Variants in SGCZ observed in about 807,000 individuals in gnomAD.
SGCZ encodes the protein zeta-sarcoglycan.
In SGCZ, 40 loss-of-function variants were observed where a neutral mutation model predicts 41.3. The observed-to-expected ratio is 0.97, with a 90% CI of 0.75 to 1.26. The LOEUF is 1.26. Among genes scored for constraint, SGCZ ranks in the 50% most tolerant of loss-of-function variants. The pLI, the probability that SGCZ is intolerant of heterozygous loss-of-function variation, is 0.00. For synonymous variants in SGCZ, 206 were observed against 137.5 expected (o/e 1.50, Z -3.49); for missense variants, 552 against 369.8 (o/e 1.49, Z -4.04).
At chr8:14,566,410 G>A (rs977793222) in intron 1 of SGCZ, among the ~76,000 whole-genome samples, 2 of 144,102 alleles carry the variant, frequency 1.4e-5, no homozygotes, top group African/African-American at 2.5e-5. Flanking sequence ...CTCCATCCCT[G>A]CTGGGTCGAT....
At chr8:14,093,110 TC>T (rs1438725105) in intron 7 of SGCZ, among the ~76,000 whole-genome samples, 1 of 152,076 alleles carries the variant, frequency 6.6e-6, no homozygotes, top group Non-Finnish European at 1.5e-5. Context: ...GTTTCTTGTT[TC>T]CACTGATATA....
At chr8:14,356,772 G>C (rs371852114) in intron 2 of SGCZ, among the ~76,000 whole-genome samples, 1 of 151,906 alleles carries the variant, frequency 6.6e-6, no homozygotes, top group East Asian at 1.9e-4. Flanking sequence ...AAGAAAATAC[G>C]ATTGCAAATA....
At chr8:15,214,817 C>A (rs941554867) in intron 1 of SGCZ, among the ~76,000 whole-genome samples, 6 of 152,114 alleles carry the variant, frequency 3.9e-5, no homozygotes, top group Non-Finnish European at 8.8e-5. Flanking sequence ...TATAATTTGG[C>A]AACTGGTCAT....
At chr8:14,272,630 C>T (rs572774789) in intron 3 of SGCZ, among the ~76,000 whole-genome samples, 8 of 152,162 alleles carry the variant, frequency 5.3e-5, no homozygotes, top group African/African-American at 1.9e-4. Flanking sequence ...TCCTTTCAAA[C>T]TTAAACGTGT....
chr8:15,150,946 A>G (rs1009610697), intron 1 of SGCZ, among the ~76,000 whole-genome samples: 2 of 152,072 alleles, frequency 1.3e-5, no homozygotes, highest in African/African-American at 4.8e-5. Flanking sequence ...TCTAGTGTGG[A>G]CTTGACCTAC....
intron 1 of SGCZ, among the ~76,000 whole-genome samples, chr8:15,016,345 G>T (rs1430633232): frequency 1.3e-5 from 2 of 152,198 alleles, no homozygotes; most frequent in Non-Finnish European, 2.9e-5. Context: ...CACAGCAGAT[G>T]CTAAGCCACA....
At chr8:14,188,258 G>C (rs1472525388) in intron 4 of SGCZ, among the ~76,000 whole-genome samples, 1 of 152,148 alleles carries the variant, frequency 6.6e-6, no homozygotes, top group Non-Finnish European at 1.5e-5. Context: ...CTAGTAAAGA[G>C]AGTTATACCA....
At chr8:14,767,012 C>G (rs1182589837) in intron 1 of SGCZ, among the ~76,000 whole-genome samples, 1 of 152,056 alleles carries the variant, frequency 6.6e-6, no homozygotes, top group Non-Finnish European at 1.5e-5. Flanking sequence ...TGCAAACATC[C>G]CATGCTTAAC....
At chr8:14,337,711 C>T (rs1802552656) in intron 2 of SGCZ, among the ~76,000 whole-genome samples, 1 of 152,034 alleles carries the variant, frequency 6.6e-6, no homozygotes, top group East Asian at 1.9e-4. Context: ...AGAGGACATG[C>T]CAATTATCAA....
At chr8:14,235,794 C>T (rs1806736575) in intron 4 of SGCZ, among the ~76,000 whole-genome samples, 1 of 152,140 alleles carries the variant, frequency 6.6e-6, no homozygotes, top group Non-Finnish European at 1.5e-5. Flanking sequence ...GAGTGATTCT[C>T]CAGCCTCAGC....
At position 14,929,453 on chromosome 8, in the gene SGCZ, C is replaced by T. The variant is rs908357120; in HGVS notation, c.39+308132G>A. Among the ~76,000 whole-genome samples the T allele has an allele frequency of 1.5e-4, 22 of 150,940 alleles. 1 individual carries two copies. Among genetic ancestry groups the T allele is most frequent in the African/African-American group, 5.2e-4 (21 of 40,268 alleles). ...CCCAGATATGTTGTTAGGAAAGTAT[C>T]TTACCGAATGCCTGGGAAATAAATG... On this transcript the variant is annotated intron_variant, in intron 1 of 7. Coordinates refer to ENST00000382080, the MANE Select transcript of SGCZ (RefSeq NM_139167.4).
chr8:14,916,136 A>C (rs1310401254), intron 1 of SGCZ, among the ~76,000 whole-genome samples: 1 of 152,188 alleles, frequency 6.6e-6, no homozygotes, highest in Non-Finnish European at 1.5e-5. Context: ...GTAGCAGATA[A>C]ATTTTTTAAA....
At chr8:14,592,789 A>G (rs966630569) in intron 1 of SGCZ, among the ~76,000 whole-genome samples, 2 of 152,212 alleles carry the variant, frequency 1.3e-5, no homozygotes, top group South Asian at 4.1e-4. Context: ...AGAGATTGCA[A>G]AACTACTGAA....
chr8:14,712,948 G>A (rs1809570249), intron 1 of SGCZ, among the ~76,000 whole-genome samples: 1 of 152,010 alleles, frequency 6.6e-6, no homozygotes, highest in Non-Finnish European at 1.5e-5. Context: ...GTAGGGCCAA[G>A]ACACAAAACA....
At chr8:14,371,807 T>G (rs1165137059) in intron 2 of SGCZ, among the ~76,000 whole-genome samples, 1 of 152,138 alleles carries the variant, frequency 6.6e-6, no homozygotes, top group South Asian at 2.1e-4. Flanking sequence ...CTTTACATTA[T>G]TTGTTGTACA....
chr8:14,577,188 TG>T (rs1349290034), intron 1 of SGCZ, among the ~76,000 whole-genome samples: 1 of 152,180 alleles, frequency 6.6e-6, no homozygotes, highest in Non-Finnish European at 1.5e-5. Context: ...TTGTGTTATG[TG>T]GACTTAGTAT....
At chr8:14,909,582 T>C (rs17120567) in intron 1 of SGCZ, among the ~76,000 whole-genome samples, 5,746 of 152,188 alleles carry the variant, frequency 0.038, 363 homozygotes, top group African/African-American at 0.13. Flanking sequence ...ATCAATATGA[T>C]TTGTTAGGCT....
intron 1 of SGCZ, among the ~76,000 whole-genome samples, chr8:15,172,154 G>GTTTTTTTTTTTTTT (rs1183210302): frequency 1.7e-4 from 12 of 71,764 alleles, no homozygotes; most frequent in African/African-American, 5.6e-4. Context: ...TTTATACTCT[G>GTTTTTTTTTTTTTT]TTTTTTTTTT....
At chr8:14,422,330 A>T (rs980355372) in intron 2 of SGCZ, among the ~76,000 whole-genome samples, 3 of 152,342 alleles carry the variant, frequency 2.0e-5, no homozygotes, top group Admixed American at 2.0e-4. Flanking sequence ...TTTTAAGTTG[A>T]CTATACAATA....
Sources: allele counts gnomAD v4.1 joint callset (sites outside exome capture counted in the v4.1 genomes callset), GRCh38; gene constraint gnomAD v4.1.1; transcripts MANE v1.5; gene names NCBI Gene and HGNC (gene_info 2026-07-23, HGNC 2026-07-21).